Variants in GMEB1 observed in about 807,000 individuals in gnomAD.
GMEB1 encodes glucocorticoid modulatory element-binding protein 1.
Under a neutral mutation model 52.4 loss-of-function variants are expected in GMEB1, and 6 were observed. That is an observed-to-expected ratio of 0.11 (90% confidence interval 0.06 to 0.23). The LOEUF (loss-of-function observed/expected upper bound fraction) is 0.23, where lower values mean the gene tolerates loss of function less well. Among genes scored for constraint, GMEB1 ranks in the 10% least tolerant of loss-of-function variants. GMEB1 has a pLI of 1.00. For missense variants in GMEB1, 486 were observed against 685.6 expected (o/e 0.71, Z 3.25); for synonymous variants, 255 against 244.9 (o/e 1.04, Z -0.38).
At chr1:28,695,832 G>C (rs1670175771) in intron 5 of GMEB1, among the ~76,000 whole-genome samples, 1 of 139,216 alleles carries the variant, frequency 7.2e-6, no homozygotes, top group South Asian at 2.4e-4. Flanking sequence ...CCAGCTACTT[G>C]GGAGGCTGAG....
intron 1 of GMEB1, among the ~76,000 whole-genome samples, chr1:28,672,399 A>G (rs1478833186): frequency 7.2e-6 from 1 of 138,772 alleles, no homozygotes; most frequent in African/African-American, 2.7e-5. Flanking sequence ...TTTTTTTTGT[A>G]TTTTTTGTAG....
At chr1:28,678,438 T>G (rs1669250895) in intron 1 of GMEB1, among the ~76,000 whole-genome samples, 1 of 150,752 alleles carries the variant, frequency 6.6e-6, no homozygotes, top group Admixed American at 6.6e-5. Flanking sequence ...GCCTCCCGAG[T>G]AGCTTGGACT....
chr1:28,698,123 G>C (rs534213702), intron 6 of GMEB1, among the ~76,000 whole-genome samples: 10 of 151,310 alleles, frequency 6.6e-5, no homozygotes, highest in Non-Finnish European at 1.3e-4. Context: ...CTGGGCAACA[G>C]AGTGAGACTC....
At chr1:28,689,157 G>A (rs1669835481) in intron 2 of GMEB1, among the ~76,000 whole-genome samples, 1 of 151,870 alleles carries the variant, frequency 6.6e-6, no homozygotes, top group African/African-American at 2.4e-5. Context: ...CAAAGTGCTG[G>A]GATTACAGGC....
intron 3 of GMEB1, among the ~76,000 whole-genome samples, chr1:28,691,369 A>C (rs1669954588): frequency 6.6e-6 from 1 of 152,188 alleles, no homozygotes; most frequent in African/African-American, 2.4e-5. Context: ...GAACTAAACA[A>C]GATTATGTGT....
intron 8 of GMEB1, among the ~76,000 whole-genome samples, chr1:28,705,623 G>T (rs1161010164): frequency 6.7e-6 from 1 of 150,336 alleles, no homozygotes; most frequent in Non-Finnish European, 1.5e-5. Context: ...CTAATTTTTT[G>T]TATTTTTAGT....
intron 2 of GMEB1, among the ~76,000 whole-genome samples, chr1:28,684,511 C>A (rs549955371): frequency 6.8e-6 from 1 of 146,392 alleles, no homozygotes; most frequent in South Asian, 2.2e-4. Flanking sequence ...TGTAGTGAGC[C>A]GAGATCGCGC....
In GMEB1 at chr1:28,697,068, A is replaced by G; in HGVS notation, c.582A>G (p.Thr194=). 6.2e-7 allele frequency: 1 copy of G among 1,606,366 alleles called. No individual in the cohort carries two copies. The highest frequency in any genetic ancestry group is 8.5e-7 in the Non-Finnish European group (1 of 1,176,104). The change falls in exon 6 of 10, where the codon ACA becomes ACG. Residue 194 remains threonine (T), a synonymous_variant. Coordinates refer to ENST00000373816, the MANE Select transcript of GMEB1 (RefSeq NM_001319674.2). The part of the protein sequence containing the change: ...VPGQQTSVVQ[T]PTSADGSITQ... ...GACAGCAGACAAGTGTGGTGCAGACACCCACTTCGGCTGATGGTAGGGGGT... is the reference window on the plus strand; with the variant it reads ...GACAGCAGACAAGTGTGGTGCAGACGCCCACTTCGGCTGATGGTAGGGGGT...
chr1:28,671,857 C>T (rs1668900468), intron 1 of GMEB1, among the ~76,000 whole-genome samples: 1 of 152,030 alleles, frequency 6.6e-6, no homozygotes, highest in Non-Finnish European at 1.5e-5. Context: ...TAGCTCACGC[C>T]TGTAATCCCA....
chr1:28,694,884 G>A (rs1429336080), intron 5 of GMEB1, among the ~76,000 whole-genome samples: 31 of 150,038 alleles, frequency 2.1e-4, no homozygotes. Context: ...GGCTGGTCTC[G>A]AACTCCTGAC....
intron 1 of GMEB1, among the ~76,000 whole-genome samples, chr1:28,681,304 G>C (rs971870107): frequency 1.3e-5 from 2 of 152,110 alleles, no homozygotes; most frequent in African/African-American, 4.8e-5. Context: ...GGAGGCAGAG[G>C]TTGCAGTGAG....
chr1:28,679,975 G>T (rs1669323683), intron 1 of GMEB1, among the ~76,000 whole-genome samples: 1 of 151,952 alleles, frequency 6.6e-6, no homozygotes, highest in South Asian at 2.1e-4. Context: ...CTGGCTAATT[G>T]TTTTGTATTT....
At chr1:28,677,019 A>G (rs1440985148) in intron 1 of GMEB1, among the ~76,000 whole-genome samples, 1 of 152,224 alleles carries the variant, frequency 6.6e-6, no homozygotes, top group East Asian at 1.9e-4. Context: ...GCATCACTGA[A>G]CAGCAGCCTG....
chr1:28,676,698 C>T (rs1669164659), intron 1 of GMEB1, among the ~76,000 whole-genome samples: 1 of 150,422 alleles, frequency 6.6e-6, no homozygotes, highest in Non-Finnish European at 1.5e-5. Flanking sequence ...GCACTCCAGC[C>T]TGGGTGACAG....
chr1:28,686,771 C>T (rs1045571222), intron 2 of GMEB1, among the ~76,000 whole-genome samples: 1 of 151,888 alleles, frequency 6.6e-6, no homozygotes, highest in Non-Finnish European at 1.5e-5. Context: ...ATCCTCATTC[C>T]CTGAATAACC....
At chr1:28,704,099 TTAA>T in intron 7 of GMEB1, 90 bp from the exon 8 acceptor site, 1 of 1,149,534 alleles carries the variant, frequency 8.7e-7, no homozygotes, top group Non-Finnish European at 1.2e-6. Context: ...TCATTTTGAG[TTAA>T]AATAATTTTG....
intron 6 of GMEB1, 141 bp from the exon 7 acceptor site, chr1:28,702,297 A>C: frequency 1.9e-6 from 1 of 540,114 alleles, no homozygotes; most frequent in African/African-American, 1.9e-5. Context: ...CTAAGAGTCT[A>C]GTTTTTAAAA....
chr1:28,687,114 T>C (rs977916314), intron 2 of GMEB1, among the ~76,000 whole-genome samples: 2 of 151,584 alleles, frequency 1.3e-5, no homozygotes, highest in Admixed American at 1.3e-4. Context: ...GGCAGGAGGA[T>C]CACTTGAGTC....
chr1:28,687,396 A>AAAAAAG (rs1669729379), intron 2 of GMEB1, among the ~76,000 whole-genome samples: 1 of 145,100 alleles, frequency 6.9e-6, no homozygotes. Flanking sequence ...ACAAAAAAAG[A>AAAAAAG]CAGTGGAGAA....
Sources: gnomAD v4.1 joint callset for allele counts (sites outside exome capture counted in the v4.1 genomes callset) on GRCh38, gnomAD v4.1.1 for gene constraint, MANE v1.5 for transcripts, NCBI Gene and HGNC (gene_info 2026-07-23, HGNC 2026-07-21) for gene names.